Variants in XKR9 observed in about 807,000 individuals in gnomAD.
XKR9 encodes XK-related protein 9.
A neutral mutation model predicts 32.0 loss-of-function variants in XKR9; 32 were observed. The ratio of observed to expected loss-of-function variants is 1.00; its 90% CI spans 0.76 to 1.34. The LOEUF is 1.34. Among genes scored for constraint, XKR9 ranks in the 40% most tolerant of loss-of-function variants. The probability of loss-of-function intolerance (pLI) is 0.00; values close to 1 mark genes in which losing one functional copy is unlikely to be tolerated. For missense variants in XKR9, 546 were observed against 429.7 expected (o/e 1.27, Z -2.39); for synonymous variants, 168 against 143.4 (o/e 1.17, Z -1.22).
At chr8:70,834,564 C>A in the XKR9 span, among the ~76,000 whole-genome samples, 3 of 151,946 alleles carry the variant, frequency 2.0e-5, no homozygotes, top group African/African-American at 7.3e-5. Context: ...TGTTTTTATT[C>A]AAAAATATAT....
the XKR9 span, among the ~76,000 whole-genome samples, chr8:70,878,540 G>T: frequency 6.6e-6 from 1 of 152,026 alleles, no homozygotes; most frequent in Non-Finnish European, 1.5e-5. Context: ...AACCAACAAA[G>T]ATCAAAAGAG....
At chr8:70,854,948 T>C in the XKR9 span, among the ~76,000 whole-genome samples, 2 of 152,014 alleles carry the variant, frequency 1.3e-5, no homozygotes, top group Non-Finnish European at 2.9e-5. Context: ...TTTGAAGTCA[T>C]GTAGCATGAT....
chr8:70,793,425 G>A (rs138536947), downstream of XKR9, among the ~76,000 whole-genome samples: 874 of 152,148 alleles, frequency 5.7e-3, 7 homozygotes, highest in South Asian at 0.034. Flanking sequence ...GAGGAAGAGA[G>A]ACCTGAGCTA....
chr8:70,794,683 T>C (rs541132096), downstream of XKR9, among the ~76,000 whole-genome samples: 5 of 152,014 alleles, frequency 3.3e-5, no homozygotes, highest in Non-Finnish European at 7.4e-5. Context: ...AACCAACCTT[T>C]ATTCCTGGAA....
the XKR9 span, among the ~76,000 whole-genome samples, chr8:70,916,790 T>G: frequency 1.3e-5 from 2 of 152,074 alleles, no homozygotes; most frequent in African/African-American, 4.8e-5. Flanking sequence ...ACAGGTTATA[T>G]CATTTATTCC....
the XKR9 span, among the ~76,000 whole-genome samples, chr8:70,858,753 G>A: frequency 6.6e-6 from 1 of 152,024 alleles, no homozygotes; most frequent in Non-Finnish European, 1.5e-5. Context: ...CATACAGTGG[G>A]GGAAAGGACA....
intron 2 of XKR9, among the ~76,000 whole-genome samples, chr8:70,677,545 T>G (rs1359453444): frequency 6.6e-6 from 1 of 152,202 alleles, no homozygotes; most frequent in African/African-American, 2.4e-5. Flanking sequence ...TAATATACAA[T>G]AATAATGTGT....
intron 3 of XKR9, among the ~76,000 whole-genome samples, chr8:70,698,963 C>G (rs1254251745): frequency 3.9e-4 from 59 of 151,690 alleles, no homozygotes; most frequent in Admixed American, 8.5e-4. Flanking sequence ...CTCTTTTGAT[C>G]TTTGTTGGTT....
chr8:70,742,993 T>C (rs1807009202), intron 2 of XKR9, among the ~76,000 whole-genome samples: 1 of 152,108 alleles, frequency 6.6e-6, no homozygotes, highest in Non-Finnish European at 1.5e-5. Flanking sequence ...CTGGCCATTA[T>C]TATTCTCATG....
At chr8:70,890,124 G>A in the XKR9 span, among the ~76,000 whole-genome samples, 1 of 151,900 alleles carries the variant, frequency 6.6e-6, no homozygotes, top group African/African-American at 2.4e-5. Context: ...TCTGAGTGAT[G>A]TGAGATGGTC....
At chr8:70,770,234 C>A (rs901659522) in intron 2 of XKR9, among the ~76,000 whole-genome samples, 1 of 152,160 alleles carries the variant, frequency 6.6e-6, no homozygotes, top group African/African-American at 2.4e-5. Context: ...GCTGGAGGTC[C>A]ACTCCAGACC....
chr8:70,884,313 C>T, the XKR9 span, among the ~76,000 whole-genome samples: 1 of 152,048 alleles, frequency 6.6e-6, no homozygotes, highest in East Asian at 1.9e-4. Flanking sequence ...AATATTTTAT[C>T]CCAGTCTATG....
the XKR9 span, among the ~76,000 whole-genome samples, chr8:70,870,095 T>G: frequency 6.6e-6 from 1 of 152,228 alleles, no homozygotes; most frequent in Admixed American, 6.5e-5. Context: ...ACTTTTGTTT[T>G]TTGATGATTT....
chr8:70,967,065 C>CTTTTTTTTTTTTTTTTTT, the XKR9 span, among the ~76,000 whole-genome samples: 758 of 101,098 alleles, frequency 7.5e-3, 86 homozygotes, highest in African/African-American at 0.011. Flanking sequence ...GATCTTGACT[C>CTTTTTTTTTTTTTTTTTT]TTTTTTTTTT....
chr8:71,003,142 G>T, the XKR9 span, among the ~76,000 whole-genome samples: 1 of 152,132 alleles, frequency 6.6e-6, no homozygotes, highest in Admixed American at 6.6e-5. Context: ...AGCTTATTTC[G>T]GGGTCATTAA....
chr8:71,039,542 T>G, the XKR9 span, among the ~76,000 whole-genome samples: 53 of 152,192 alleles, frequency 3.5e-4, no homozygotes, highest in Admixed American at 3.4e-3. Flanking sequence ...AGTAAAAAAA[T>G]GGTACATAGA....
At chr8:70,882,763 A>T in the XKR9 span, among the ~76,000 whole-genome samples, 3 of 151,974 alleles carry the variant, frequency 2.0e-5, no homozygotes. Flanking sequence ...CCATATTTAT[A>T]CTTTATTATT....
At chr8:70,749,798 A>G (rs1299117841) in intron 2 of XKR9, among the ~76,000 whole-genome samples, 2 of 152,198 alleles carry the variant, frequency 1.3e-5, no homozygotes, top group Non-Finnish European at 2.9e-5. Flanking sequence ...CAGACCAGCC[A>G]CCCTAGGGTA....
chr8:70,966,844 T>C, the XKR9 span, among the ~76,000 whole-genome samples: 1 of 152,166 alleles, frequency 6.6e-6, no homozygotes, highest in African/African-American at 2.4e-5. Context: ...TAGCTCTTTT[T>C]ATTGAATTGA....
Sources: gnomAD v4.1 joint callset for allele counts (sites outside exome capture counted in the v4.1 genomes callset) on GRCh38, gnomAD v4.1.1 for gene constraint, MANE v1.5 for transcripts, NCBI Gene and HGNC (gene_info 2026-07-23, HGNC 2026-07-21) for gene names.